The following ANK2 variants were observed in gnomAD, a reference collection of about 807,000 sequenced individuals.
The protein encoded by ANK2 is ankyrin-2.
ANK2 carries 83 observed loss-of-function variants against 360.5 expected under a neutral mutation model. The observed-to-expected ratio is 0.23, with a 90% confidence interval of 0.19 to 0.28. ANK2 has a LOEUF of 0.28. ANK2 is among the 10% of genes least tolerant of loss of function. The probability of loss-of-function intolerance (pLI) is 1.00; values close to 1 mark genes in which losing one functional copy is unlikely to be tolerated. For synonymous variants in ANK2, 1,740 were observed against 1,759.5 expected, an observed-to-expected ratio of 0.99 and a Z score of 0.28; for missense variants, 4,201 against 4,795.7, an observed-to-expected ratio of 0.88 and a Z score of 3.66.
chr4:113,207,660 G>C (rs1249737738), intron 4 of ANK2, among the ~76,000 whole-genome samples: 2 of 129,038 alleles, frequency 1.5e-5, no homozygotes, highest in African/African-American at 5.7e-5. Flanking sequence ...CCAAAATGGT[G>C]ATCCTTTGAG....
At chr4:113,244,287 G>A (rs1585891030) in intron 9 of ANK2, among the ~76,000 whole-genome samples, 2 of 152,122 alleles carry the variant, frequency 1.3e-5, no homozygotes, top group South Asian at 4.2e-4. Flanking sequence ...CTGAAGATAC[G>A]ACAGTTAACA....
intron 45 of ANK2, among the ~76,000 whole-genome samples, chr4:113,380,712 G>A (rs895981434): frequency 5.9e-5 from 9 of 152,280 alleles, no homozygotes; most frequent in Admixed American, 1.3e-4. Flanking sequence ...GTCTTATAAG[G>A]GAGGCAAGTA....
chr4:113,187,382 C>T (rs2098550420), intron 2 of ANK2, among the ~76,000 whole-genome samples: 1 of 152,316 alleles, frequency 6.6e-6, no homozygotes. Context: ...ATTTGTTGTT[C>T]AAGTTCCCTT....
At chr4:113,026,428 A>G (rs1166704049) in intron 2 of ANK2, among the ~76,000 whole-genome samples, 1 of 152,184 alleles carries the variant, frequency 6.6e-6, no homozygotes, top group Admixed American at 6.6e-5. Flanking sequence ...ATGATTTTAA[A>G]TTCCTTGATA....
chr4:112,831,308 T>G (rs894370244), intron 1 of ANK2, among the ~76,000 whole-genome samples: 1 of 152,186 alleles, frequency 6.6e-6, no homozygotes, highest in African/African-American at 2.4e-5. Flanking sequence ...TATGCCTAGC[T>G]AAAGGATTGT....
At chr4:112,770,711 CA>C in the ANK2 span, among the ~76,000 whole-genome samples, 7,121 of 121,496 alleles carry the variant, frequency 0.059, 399 homozygotes, top group African/African-American at 0.19. Context: ...CTCTCTCTCT[CA>C]AAAAAAAAAA....
Position 113,232,217 on chromosome 4 carries a change from A to G in ANK2, c.441A>G (p.Lys147=), listed in dbSNP as rs776735614. The G allele has an allele frequency of 1.2e-6, 2 of 1,608,420 alleles. No homozygotes were observed. The highest frequency in any genetic ancestry group is 1.7e-6 in the Non-Finnish European group (2 of 1,174,920). ...AAGAGAATCACATTGATGTTGTAAA[A>G]TATTTGCTGGAAAATGGAGCTAATC... The part of the protein sequence containing the change: ...AAQENHIDVV[K]YLLENGANQS... Residue 147 remains lysine (K), a synonymous_variant, in exon 5 of 46, where the codon AAA becomes AAG. Transcript: ENST00000357077.
intron 1 of ANK2, among the ~76,000 whole-genome samples, chr4:113,095,538 G>A (rs2090625054): frequency 6.6e-6 from 1 of 152,084 alleles, no homozygotes. Flanking sequence ...CTATGTTCTG[G>A]CATGTCCTAT....
chr4:113,021,572 A>C, intron 2 of ANK2, among the ~76,000 whole-genome samples: 1 of 134,988 alleles, frequency 7.4e-6, no homozygotes, highest in East Asian at 2.3e-4. Context: ...ATATATATAT[A>C]TATATATGCC....
intron 1 of ANK2, among the ~76,000 whole-genome samples, chr4:112,860,544 C>A (rs997015069): frequency 6.6e-6 from 1 of 152,132 alleles, no homozygotes; most frequent in African/African-American, 2.4e-5. Context: ...GGGAAAGACA[C>A]TTGAACCCTC....
At chr4:112,780,733 G>C in the ANK2 span, among the ~76,000 whole-genome samples, 1 of 152,072 alleles carries the variant, frequency 6.6e-6, no homozygotes, top group African/African-American at 2.4e-5. Context: ...GTGTGAAGGA[G>C]GAACTGTTAG....
rs2095839426 is a variant in ANK2, at chr4:113,357,138, C to T, written c.8520C>T (p.Pro2840=). The T allele has an allele frequency of 3.7e-6, 6 of 1,614,078 alleles. No homozygotes were observed. In the African/African-American group the frequency reaches 6.7e-5, roughly 18 times the overall value. The change falls in exon 38 of 46, where the codon CCC becomes CCT. Residue 2840 remains proline (P), a synonymous_variant. Transcript: ENST00000357077. ...SRAESPQADC[P]SESFSSSSSL... is the part of the protein sequence containing the mutation. ...CAGAATCTCCACAAGCAGATTGCCC[C>T]AGTGAAAGCTTTTCATCTTCATCCT... is the stretch of plus-strand genomic sequence containing the variant.
At chr4:113,302,152 C>G (rs1233642202) in intron 22 of ANK2, among the ~76,000 whole-genome samples, 1 of 152,160 alleles carries the variant, frequency 6.6e-6, no homozygotes, top group Non-Finnish European at 1.5e-5. Context: ...ATCCTTGTCT[C>G]TTAACCTTAC....
intron 4 of ANK2, among the ~76,000 whole-genome samples, chr4:113,203,337 A>G (rs78908535): frequency 0.048 from 7,360 of 152,256 alleles, 220 homozygotes; most frequent in African/African-American, 0.079. Context: ...TCTACTTAGA[A>G]AGTTTTTAAA....
chr4:113,143,082 G>A (rs2096698252), intron 1 of ANK2, among the ~76,000 whole-genome samples: 1 of 152,122 alleles, frequency 6.6e-6, no homozygotes, highest in East Asian at 1.9e-4. Flanking sequence ...ATCTGTGGTT[G>A]TCTTTTATTC....
chr4:113,171,092 C>A (rs1299601990), intron 1 of ANK2, among the ~76,000 whole-genome samples: 2 of 152,166 alleles, frequency 1.3e-5, no homozygotes, highest in Non-Finnish European at 2.9e-5. Context: ...TGTGTGAAAT[C>A]TCCTGGTTGA....
chr4:112,902,703 A>G (rs577836641), intron 1 of ANK2, among the ~76,000 whole-genome samples: 1 of 152,352 alleles, frequency 6.6e-6, no homozygotes, highest in African/African-American at 2.4e-5. Flanking sequence ...GTATTATGGT[A>G]GCTATCTGAT....
At chr4:113,311,199 TGTA>T in intron 23 of ANK2, 53 bp from the exon 24 acceptor site, 1 of 1,607,594 alleles carries the variant, frequency 6.2e-7, no homozygotes, top group Non-Finnish European at 8.5e-7. Flanking sequence ...GACCATATGT[TGTA>T]GTTGATATTA....
intron 2 of ANK2, among the ~76,000 whole-genome samples, chr4:113,025,562 T>G (rs866376971): frequency 1.3e-5 from 2 of 152,208 alleles, no homozygotes; most frequent in Non-Finnish European, 2.9e-5. Flanking sequence ...ATCAATCTCT[T>G]GACACTTTCT....
Sources: allele counts gnomAD v4.1 joint callset (sites outside exome capture counted in the v4.1 genomes callset), GRCh38; gene constraint gnomAD v4.1.1; transcripts MANE v1.5; gene names NCBI Gene and HGNC (gene_info 2026-07-23, HGNC 2026-07-21).